The following XIRP1 variants were observed in gnomAD, a reference collection of about 807,000 sequenced individuals.
The protein encoded by XIRP1 is xin actin-binding repeat-containing protein 1.
For missense variants in XIRP1, 2,378 were observed against 2,345.4 expected, an observed-to-expected ratio of 1.01 and a Z score of -0.29; for synonymous variants, 984 against 947.0, an observed-to-expected ratio of 1.04 and a Z score of -0.72.
Position 39,184,129 on chromosome 3 carries a change from C to T in XIRP1, c.5317G>A (p.Glu1773Lys), listed in dbSNP as rs2039916165. Residue 1773 changes from glutamate to lysine, a missense_variant, in exon 2 of 2, where the codon GAG (glutamate) becomes AAG (lysine). Coordinates refer to ENST00000340369, the MANE Select transcript of XIRP1 (RefSeq NM_194293.4). Reference sequence around the variant, plus strand: ...GTGTTCCCAAACTGGTCCACCTCCTCATACTGTTCAGTCACGGTTCTCATG... The same window carrying T: ...GTGTTCCCAAACTGGTCCACCTCCTTATACTGTTCAGTCACGGTTCTCATG... ...GAMRTVTEQY[E>K]EVDQFGNTVL... The T allele has an allele frequency of 2.5e-6, 4 of 1,610,942 alleles. No homozygotes were observed. Among genetic ancestry groups the T allele is most frequent in the South Asian group, 1.1e-5 (1 of 90,626 alleles).
Position 39,186,317 on chromosome 3 carries a change from A to C in XIRP1, c.3129T>G (p.Pro1043=), listed in dbSNP as rs1334287656. ...GGAGGTCTGGGGCCCCAGGCCCCGGAGGGGTAGTCGTGGCTCCTTCTGACT... is the reference window on the plus strand; with the variant it reads ...GGAGGTCTGGGGCCCCAGGCCCCGGCGGGGTAGTCGTGGCTCCTTCTGACT... ...LGKSEGATTT[P]PGPGAPDLLA... Residue 1043 remains proline (P), a synonymous_variant, in exon 2 of 2, where the codon CCT becomes CCG. Transcript: ENST00000340369. 5 of 1,613,904 alleles carry C rather than the reference A, an allele frequency of 3.1e-6. No individual in the cohort carries two copies. The highest frequency in any genetic ancestry group is 3.4e-6 in the Non-Finnish European group (4 of 1,179,954).
rs550005392 is a variant in XIRP1 at position 39,183,693 on chromosome 3, G to T, written c.*221C>A. ...CTGGGAGCCCCCATCCTACCCCCAC[G>T]CCTGTGCAACTCTGTGGGCCTCTTC... On this transcript the variant is annotated 3_prime_UTR_variant, in exon 2 of 2. Coordinates refer to ENST00000340369, the MANE Select transcript of XIRP1 (RefSeq NM_194293.4). The T allele has an allele frequency of 5.6e-6, 4 of 717,228 alleles. No individual in the cohort carries two copies. Among genetic ancestry groups the T allele is most frequent in the Non-Finnish European group, 8.7e-6 (4 of 458,012 alleles). The allele number at this position is 717,228 out of a possible 1,614,324, so 44.4% of individuals were successfully genotyped here.
chr3:39,186,450 C>T lies in XIRP1; in HGVS notation c.2996G>A (p.Gly999Glu), dbSNP rs370297626. The T allele has an allele frequency of 2.5e-6, 4 of 1,614,184 alleles. No individual in the cohort carries two copies. The highest frequency in any genetic ancestry group is 3.4e-6 in the Non-Finnish European group (4 of 1,180,026). Residue 999 changes from glycine (G) to glutamate (E), a missense_variant, in exon 2 of 2, where the codon GGA (glycine) becomes GAA (glutamate). Transcript: ENST00000340369. Reference protein sequence around the residue: ...GATPCPPQAIGKAVPLAGEAA... With the variant: ...GATPCPPQAIEKAVPLAGEAA... ...TTCCCCAGCCAGAGGGACTGCCTTTCCAATGGCCTGAGGAGGGCAAGGGGT... is the reference window on the plus strand; with the variant it reads ...TTCCCCAGCCAGAGGGACTGCCTTTTCAATGGCCTGAGGAGGGCAAGGGGT...
rs2039945252 is a variant in XIRP1 at position 39,185,341 on chromosome 3, C to T, written c.4105G>A (p.Ala1369Thr). ...GGAACCTTGGCTGGCTGAGGGATGG[C>T]TGTATCTCTCTCACCTCGTTGGTGT... ...REHQRGERDT[A>T]IPQPAKVPTT... The change falls in exon 2 of 2, where the codon GCC (alanine) becomes ACC (threonine). Residue 1369 changes from alanine (A) to threonine (T), a missense_variant. Transcript: ENST00000340369. 2 of 1,614,090 alleles carry T rather than the reference C, an allele frequency of 1.2e-6. No homozygotes were observed. Among genetic ancestry groups the T allele is most frequent in the African/African-American group, 1.3e-5 (1 of 74,930 alleles).
Position 39,186,751 on chromosome 3 carries a change from C to G in XIRP1, c.2695G>C (p.Glu899Gln). The change falls in exon 2 of 2, where the codon GAG becomes CAG. Residue 899 changes from glutamate (E) to glutamine (Q), a missense_variant. Transcript: ENST00000340369. ...SVARTGLVMQ[E>Q]TEQGLVALTA... The stretch of plus-strand genomic sequence containing the variant: ...AGTGCGACCAGGCCCTGCTCTGTCT[C>G]CTGCATCACCAGCCCAGTCCTTGCC... 5 of 1,614,058 alleles carry G rather than the reference C, an allele frequency of 3.1e-6. No homozygotes were observed. The South Asian group carries it at 3.3e-5, about 11-fold the overall frequency.
Position 39,189,126 on chromosome 3 carries a change from C to T in XIRP1, c.320G>A (p.Gly107Glu), listed in dbSNP as rs1307075167. The change falls in exon 2 of 2, where the codon GGA (glycine) becomes GAA (glutamate). Residue 107 changes from glycine (G) to glutamate (E), a missense_variant. Transcript: ENST00000340369. Reference protein sequence around the residue: ...IFENWRLDAIGEHERPAAKEP... With the variant: ...IFENWRLDAIEEHERPAAKEP... ...CTTGGCAGCTGGCCTCTCGTGTTCT[C>T]CAATGGCATCCAGTCTCCAGTTCTC... is the stretch of plus-strand genomic sequence containing the variant. 6.2e-7 allele frequency: 1 copy of T among 1,614,058 alleles called. No homozygotes were observed. The highest frequency in any genetic ancestry group is 8.5e-7 in the Non-Finnish European group (1 of 1,180,058).
Position 39,184,975 on chromosome 3 carries a change from C to A in XIRP1, c.4471G>T (p.Val1491Leu). ...LEKEAASSVDVQALRRLFEAV... is the reference protein window; with the variant it reads ...LEKEAASSVDLQALRRLFEAV... ...TCAAAGAGCCTCCGCAGGGCCTGCA[C>A]GTCCACACTGCTTGCGGCCTCCTTC... Residue 1491 changes from valine to leucine, a missense_variant, in exon 2 of 2, where the codon GTG becomes TTG. Physicochemically the swap from Val to Leu is conservative, Grantham distance 32. Coordinates refer to ENST00000340369, the MANE Select transcript of XIRP1 (RefSeq NM_194293.4). 1.3e-6 allele frequency: 2 copies of A among 1,529,764 alleles called. No homozygotes were observed. The highest frequency in any genetic ancestry group is 1.8e-6 in the Non-Finnish European group (2 of 1,141,740). 94.8% of individuals were successfully genotyped at this position (1,529,764 alleles called of 1,614,324 possible). A position where few individuals can be genotyped will look rare whatever the true frequency, so the allele number is the denominator to read the frequency against.
chr3:39,189,495 T>A lies in XIRP1; in HGVS notation c.-50A>T, dbSNP rs771776205. 3 of 1,531,280 alleles carry A rather than the reference T, an allele frequency of 2.0e-6. No homozygotes were observed. The highest frequency in any genetic ancestry group is 2.6e-6 in the Non-Finnish European group (3 of 1,141,370). The allele number at this position is 1,531,280 out of a possible 1,614,324, so 94.9% of individuals were successfully genotyped here. A position where few individuals can be genotyped will look rare whatever the true frequency, so the allele number is the denominator to read the frequency against. On this transcript the variant is annotated 5_prime_UTR_variant, in exon 2 of 2. Transcript: ENST00000340369. ...TGAGGATGGGATTGGGAGCCTTAGA[T>A]CTAGATGTTCAGCAGGGTAGAGGCT... is the stretch of plus-strand genomic sequence containing the variant.
chr3:39,186,110 C>G lies in XIRP1; in HGVS notation c.3336G>C (p.Arg1112=). The G allele has an allele frequency of 6.2e-7, 1 of 1,613,472 alleles. No individual in the cohort carries two copies. Among genetic ancestry groups the G allele is most frequent in the South Asian group, 1.1e-5 (1 of 91,056 alleles). ...TGACCTTTCTGGGGGCTGCTGGGAT[C>G]CGGGGATCACTTCCACCCCCAGGCC... The part of the protein sequence containing the change: ...NIRPGGGSDP[R]IPAAPRKVSR... The change falls in exon 2 of 2, where the codon CGG becomes CGC. Residue 1112 remains arginine (R), a synonymous_variant. Transcript: ENST00000340369.
At position 39,187,711 on chromosome 3, in the gene XIRP1, C is replaced by T; in HGVS notation, c.1735G>A (p.Gly579Arg). ...ERQKEEGKSQ[G>R]DPQPEAPPKG... ...GGGGGTGCCTCAGGCTGGGGGTCTCCCTGACTCTTCCCTTCTTCTTTCTGT... is the reference window on the plus strand; with the variant it reads ...GGGGGTGCCTCAGGCTGGGGGTCTCTCTGACTCTTCCCTTCTTCTTTCTGT... Residue 579 changes from glycine to arginine, a missense_variant, in exon 2 of 2, where the codon GGA (glycine) becomes AGA (arginine). Transcript: ENST00000340369. 1 of 1,614,028 alleles carries T rather than the reference C, an allele frequency of 6.2e-7. No homozygotes were observed.
chr3:39,190,739 C>T (rs2040075779), intron 1 of XIRP1, among the ~76,000 whole-genome samples: 1 of 152,080 alleles, frequency 6.6e-6, no homozygotes, highest in Admixed American at 6.5e-5. Context: ...TACTAACAGT[C>T]CCCAGAGGCC....
Position 39,187,911 on chromosome 3 carries a change from T to C in XIRP1, c.1535A>G (p.Tyr512Cys). 6.2e-7 allele frequency: 1 copy of C among 1,614,126 alleles called. No homozygotes were observed. Among genetic ancestry groups the C allele is most frequent in the Non-Finnish European group, 8.5e-7 (1 of 1,180,024 alleles). ...GGGCTGTGTCTCAAACATCCACCTG[T>C]AGCCCTGCACATCACCTCCGACTAT... ...EQIVGGDVQG[Y>C]RWMFETQPLD... is the part of the protein sequence containing the mutation. The change falls in exon 2 of 2, where the codon TAC becomes TGC. Residue 512 changes from tyrosine to cysteine, a missense_variant. By Grantham distance (194) the Tyr-to-Cys change is radical. Coordinates refer to ENST00000340369, the MANE Select transcript of XIRP1 (RefSeq NM_194293.4).
Position 39,187,583 on chromosome 3 carries a change from A to G in XIRP1, c.1863T>C (p.Ala621=). Reference sequence around the variant, plus strand: ...ACATCCAGGTGCAGGACTGTGCCTCAGCCTTGGCTGTGGGATCTGTGACCT... The same window carrying G: ...ACATCCAGGTGCAGGACTGTGCCTCGGCCTTGGCTGTGGGATCTGTGACCT... The part of the protein sequence containing the change: ...GSEVTDPTAK[A]EAQSCTWMFK... Residue 621 remains alanine, a synonymous_variant, in exon 2 of 2, where the codon GCT becomes GCC. Transcript: ENST00000340369. 1 of 1,614,108 alleles carries G rather than the reference A, an allele frequency of 6.2e-7. No homozygotes were observed. The highest frequency in any genetic ancestry group is 8.5e-7 in the Non-Finnish European group (1 of 1,180,048).
chr3:39,187,663 G>C lies in XIRP1; in HGVS notation c.1783C>G (p.Arg595Gly). 6.2e-7 allele frequency: 1 copy of C among 1,614,058 alleles called. No individual in the cohort carries two copies. Residue 595 changes from arginine to glycine, a missense_variant, in exon 2 of 2, where the codon CGG becomes GGG. Transcript: ENST00000340369. The stretch of plus-strand genomic sequence containing the variant: ...ATTGGGCAAGTCTCGAACAACCACC[G>C]GATGGTCTGCACATCGCCCTTTGGG... ...APPKGDVQTI[R>G]WLFETCPMSE...
chr3:39,189,163 G>A lies in XIRP1; in HGVS notation c.283C>T (p.Arg95Cys), dbSNP rs753453159. The A allele has an allele frequency of 1.1e-5, 18 of 1,614,028 alleles. No homozygotes were observed. Among genetic ancestry groups the A allele is most frequent in the South Asian group, 3.3e-5 (3 of 91,084 alleles). ...EPTEGDVQCM[R>C]WIFENWRLDA... is the part of the protein sequence containing the mutation. ...AGTCTCCAGTTCTCAAAGATCCAGC[G>A]CATGCACTGAACGTCACCCTCGGTG... is the stretch of plus-strand genomic sequence containing the variant. The change falls in exon 2 of 2, where the codon CGC becomes TGC. Residue 95 changes from arginine to cysteine, a missense_variant. Physicochemically the swap from Arg to Cys is radical, Grantham distance 180 (BLOSUM62 -3). Coordinates refer to ENST00000340369, the MANE Select transcript of XIRP1 (RefSeq NM_194293.4).
rs1312714060 is a variant in XIRP1, at chr3:39,188,282, C to T, written c.1164G>A (p.Lys388=). 1 of 1,614,094 alleles carries T rather than the reference C, an allele frequency of 6.2e-7. No individual in the cohort carries two copies. The highest frequency in any genetic ancestry group is 8.5e-7 in the Non-Finnish European group (1 of 1,180,044). The change falls in exon 2 of 2, where the codon AAG becomes AAA. Residue 388 remains lysine (K), a synonymous_variant. Coordinates refer to ENST00000340369, the MANE Select transcript of XIRP1 (RefSeq NM_194293.4). ...VRSTLWLFET[K]PLDAFRDKVQ... Reference sequence around the variant, plus strand: ...CCTTGTCTCTGAAAGCATCCAGGGGCTTTGTTTCAAATAGCCACAGGGTGG... The same window carrying T: ...CCTTGTCTCTGAAAGCATCCAGGGGTTTTGTTTCAAATAGCCACAGGGTGG...
chr3:39,189,639 G>C, intron 1 of XIRP1, 114 bp from the exon 2 acceptor site: 1 of 805,758 alleles, frequency 1.2e-6, no homozygotes, highest in Non-Finnish European at 1.9e-6. Context: ...TTCGCTGCCT[G>C]CATGGTTCGT....
chr3:39,185,576 G>T lies in XIRP1; in HGVS notation c.3870C>A (p.Pro1290=), dbSNP rs1232909172. The T allele has an allele frequency of 1.9e-6, 3 of 1,586,836 alleles. No individual in the cohort carries two copies. Among genetic ancestry groups the T allele is most frequent in the Non-Finnish European group, 2.6e-6 (3 of 1,165,394 alleles). ...CAGGGCTGCTGTGGGAGTGAAGAAG[G>T]GGGTCCTTCAGGGGCTCAGAGGCTT... ...IQQASEPLKD[P]LLHSHSSPAG... The change falls in exon 2 of 2, where the codon CCC becomes CCA. Residue 1290 remains proline (P), a synonymous_variant. Transcript: ENST00000340369.
Position 39,189,030 on chromosome 3 carries a change from G to C in XIRP1, c.416C>G (p.Thr139Arg). The C allele has an allele frequency of 6.2e-7, 1 of 1,614,074 alleles. No individual in the cohort carries two copies. Among genetic ancestry groups the C allele is most frequent in the Non-Finnish European group, 8.5e-7 (1 of 1,180,042 alleles). ...KFEEGSFANS[T>R]DQEPTRPQPG... ...CTGGGGCCTGGTTGGCTCCTGGTCT[G>C]TGCTGTTGGCAAAGGAGCCTTCCTC... is the stretch of plus-strand genomic sequence containing the variant. The change falls in exon 2 of 2, where the codon ACA (threonine) becomes AGA (arginine). Residue 139 changes from threonine to arginine, a missense_variant. Transcript: ENST00000340369.
Sources: allele counts gnomAD v4.1 joint callset (sites outside exome capture counted in the v4.1 genomes callset), GRCh38; gene constraint gnomAD v4.1.1; transcripts MANE v1.5; gene names NCBI Gene and HGNC (gene_info 2026-07-23, HGNC 2026-07-21).